RBMS3: variants seen among roughly 807,000 people sequenced by gnomAD.
RBMS3 encodes RNA binding motif single stranded interacting protein 3, also known as RNA-binding motif, single-stranded-interacting protein 3.
RBMS3 carries 27 observed loss-of-function variants against 66.8 expected under a neutral mutation model. The ratio of observed to expected loss-of-function variants is 0.40; its 90% confidence interval spans 0.30 to 0.56. The LOEUF is 0.56. Ranked by LOEUF, RBMS3 falls within the 20% of genes least tolerant of loss-of-function variation. The pLI is 0.40. For missense variants in RBMS3, 513 were observed against 549.5 expected (o/e 0.93, Z 0.66); for synonymous variants, 188 against 183.0 (o/e 1.03, Z -0.22).
intron 2 of RBMS3, among the ~76,000 whole-genome samples, chr3:29,475,327 CA>C (rs1470095178): frequency 1.3e-5 from 2 of 150,970 alleles, no homozygotes; most frequent in African/African-American, 4.9e-5. Context: ...TGTCTCACTG[CA>C]ACCTCCACCT....
intron 3 of RBMS3, among the ~76,000 whole-genome samples, chr3:29,499,362 A>C (rs1388080742): frequency 1.3e-5 from 2 of 152,262 alleles, no homozygotes; most frequent in Non-Finnish European, 1.5e-5. Flanking sequence ...TATGAAAGAG[A>C]AAAACTCATG....
At chr3:29,709,256 G>T (rs1337369310) in intron 4 of RBMS3, among the ~76,000 whole-genome samples, 1 of 152,128 alleles carries the variant, frequency 6.6e-6, no homozygotes, top group Non-Finnish European at 1.5e-5. Flanking sequence ...TTGATTGCTT[G>T]CAATTACAGT....
intron 12 of RBMS3, among the ~76,000 whole-genome samples, chr3:29,974,910 AT>A: frequency 7.1e-6 from 1 of 141,566 alleles, no homozygotes; most frequent in Non-Finnish European, 1.5e-5. Context: ...ATATTTATAT[AT>A]TTTATATATA....
intron 14 of RBMS3, among the ~76,000 whole-genome samples, chr3:30,001,860 T>C (rs1390743933): frequency 2.6e-5 from 4 of 151,896 alleles, no homozygotes; most frequent in Non-Finnish European, 4.4e-5. Context: ...TTGCCAAAGA[T>C]CCCAGCCTAA....
At chr3:29,950,135 A>C (rs1394137798) in intron 12 of RBMS3, among the ~76,000 whole-genome samples, 4 of 151,798 alleles carry the variant, frequency 2.6e-5, no homozygotes, top group African/African-American at 9.7e-5. Flanking sequence ...TCTTGTCTAA[A>C]AGCCGAACAC....
At chr3:29,371,414 C>T (rs758996558) in intron 1 of RBMS3, among the ~76,000 whole-genome samples, 2 of 152,114 alleles carry the variant, frequency 1.3e-5, no homozygotes, top group African/African-American at 4.8e-5. Flanking sequence ...GTTTATGAAC[C>T]AGAATGGGAT....
intron 4 of RBMS3, among the ~76,000 whole-genome samples, chr3:29,612,473 G>T (rs1382432454): frequency 1.3e-5 from 2 of 151,922 alleles, no homozygotes; most frequent in African/African-American, 4.8e-5. Context: ...ATCTTTGTTT[G>T]TACATGACTG....
intron 4 of RBMS3, among the ~76,000 whole-genome samples, chr3:29,644,187 C>G (rs182050399): frequency 2.4e-4 from 36 of 152,230 alleles, no homozygotes; most frequent in Non-Finnish European, 4.7e-4. Context: ...ATGGGCTTCC[C>G]AAATAGCCTC....
chr3:29,879,833 T>C (rs2059696198), intron 7 of RBMS3, among the ~76,000 whole-genome samples: 1 of 152,122 alleles, frequency 6.6e-6, no homozygotes, highest in African/African-American at 2.4e-5. Flanking sequence ...ATCATCATTT[T>C]GGCTTTGTTA....
chr3:29,559,044 C>A (rs1027637666), intron 3 of RBMS3, among the ~76,000 whole-genome samples: 1 of 152,012 alleles, frequency 6.6e-6, no homozygotes, highest in Non-Finnish European at 1.5e-5. Flanking sequence ...TGAGACTTGA[C>A]ATATTAAGCT....
chr3:29,899,883 G>C (rs1167190873), intron 10 of RBMS3, 128 bp downstream of exon 10: 3 of 828,128 alleles, frequency 3.6e-6, no homozygotes, highest in South Asian at 3.6e-5. Flanking sequence ...ATATTCTCCA[G>C]ATAAAAAGCT....
At chr3:29,532,357 T>C (rs2045397627) in intron 3 of RBMS3, among the ~76,000 whole-genome samples, 1 of 150,502 alleles carries the variant, frequency 6.6e-6, no homozygotes, top group Non-Finnish European at 1.5e-5. Flanking sequence ...TCCCTTGGAC[T>C]ACCAGTTTTC....
chr3:29,694,287 T>C (rs560389414), intron 4 of RBMS3, among the ~76,000 whole-genome samples: 4 of 152,356 alleles, frequency 2.6e-5, no homozygotes, highest in African/African-American at 9.6e-5. Flanking sequence ...AGTCTGGAAC[T>C]ATATTTCTCT....
At chr3:29,920,933 A>G (rs558809654) in intron 10 of RBMS3, among the ~76,000 whole-genome samples, 5 of 152,064 alleles carry the variant, frequency 3.3e-5, no homozygotes, top group Admixed American at 6.5e-5. Context: ...TGAATTGTGT[A>G]CATTTGGGGG....
intron 4 of RBMS3, among the ~76,000 whole-genome samples, chr3:29,652,111 T>A (rs1255764098): frequency 6.6e-6 from 1 of 152,156 alleles, no homozygotes; most frequent in Non-Finnish European, 1.5e-5. Context: ...TCAGAAGATG[T>A]CTTTCATCCC....
chr3:29,567,844 A>G (rs11707880), intron 3 of RBMS3, among the ~76,000 whole-genome samples: 5,723 of 152,248 alleles, frequency 0.038, 161 homozygotes, highest in Middle Eastern at 0.065. Context: ...AACTCATAAC[A>G]CTTTAAAATT....
At chr3:29,422,396 C>CAA (rs386396246) in intron 1 of RBMS3, among the ~76,000 whole-genome samples, 36,999 of 130,592 alleles carry the variant, frequency 0.28, 5,528 homozygotes, top group African/African-American at 0.35. Context: ...ATCACCAGCC[C>CAA]AAAAAAAAAA....
chr3:29,853,508 G>T (rs1468590474), intron 6 of RBMS3, among the ~76,000 whole-genome samples: 1 of 146,202 alleles, frequency 6.8e-6, no homozygotes, highest in Non-Finnish European at 1.5e-5. Flanking sequence ...GACCCAAAGT[G>T]GGTAGCCGTT....
At position 29,488,512 on chromosome 3, in the gene RBMS3, G is replaced by T. The variant is rs1255613945; in HGVS notation, c.307+13G>T. The T allele has an allele frequency of 6.2e-7, 1 of 1,605,014 alleles. No individual in the cohort carries two copies. Among genetic ancestry groups the T allele is most frequent in the Non-Finnish European group, 8.5e-7 (1 of 1,172,522 alleles). ...AATCAGTGCAAAGGTATGTGTAAGG[G>T]CATCCGTACCCTGAAATCTTGCCTA... On this transcript the variant is annotated intron_variant, in intron 3 of 14. Coordinates refer to ENST00000383767, the MANE Select transcript of RBMS3 (RefSeq NM_001003793.3).
Sources: allele counts gnomAD v4.1 joint callset (sites outside exome capture counted in the v4.1 genomes callset), GRCh38; gene constraint gnomAD v4.1.1; transcripts MANE v1.5; gene names NCBI Gene and HGNC (gene_info 2026-07-23, HGNC 2026-07-21).